Variants in PHKB observed in about 807,000 individuals in gnomAD.
PHKB encodes the protein phosphorylase b kinase regulatory subunit beta.
PHKB carries 122 observed loss-of-function variants against 152.1 expected under a neutral mutation model. The ratio of observed to expected loss-of-function variants is 0.80; its 90% CI spans 0.69 to 0.93. The LOEUF (loss-of-function observed/expected upper bound fraction) is 0.93. Ranked by LOEUF, PHKB falls within the 40% of genes least tolerant of loss-of-function variation. PHKB has a pLI of 0.00. For synonymous variants in PHKB, 436 were observed against 464.9 expected, an observed-to-expected ratio of 0.94 and a Z score of 0.80; for missense variants, 1,304 against 1,328.4, an observed-to-expected ratio of 0.98 and a Z score of 0.29.
Position 47,699,287 on chromosome 16 carries a change from A to G in PHKB, c.3203A>G (p.Tyr1068Cys), listed in dbSNP as rs374634942. The change falls in exon 31 of 31, where the codon TAT becomes TGT. Residue 1068 changes from tyrosine to cysteine, a missense_variant. By Grantham distance (194) the Tyr-to-Cys change is radical. Transcript: ENST00000323584. Reference sequence around the variant, plus strand: ...CTGGGAAAAAGAGGAACATGCAGCTATTTGACAAAGGCGGTGATGAATCTG... The same window carrying G: ...CTGGGAAAAAGAGGAACATGCAGCTGTTTGACAAAGGCGGTGATGAATCTG... ...PPLGKRGTCS[Y>C]LTKAVMNLLL... The G allele has an allele frequency of 5.0e-6, 8 of 1,613,996 alleles. No homozygotes were observed. Among genetic ancestry groups the G allele is most frequent in the Admixed American group, 3.3e-5 (2 of 60,004 alleles).
intron 7 of PHKB, among the ~76,000 whole-genome samples, chr16:47,560,638 A>T (rs1010750938): frequency 1.3e-5 from 2 of 152,214 alleles, no homozygotes; most frequent in Non-Finnish European, 2.9e-5. Context: ...ATTTTCATGA[A>T]TGTGCAAAGA....
At chr16:47,588,319 T>C (rs1018604827) in intron 9 of PHKB, among the ~76,000 whole-genome samples, 1 of 150,078 alleles carries the variant, frequency 6.7e-6, no homozygotes, top group Non-Finnish European at 1.5e-5. Context: ...AAAAAAAAGC[T>C]CCCCAAATAA....
chr16:47,523,011 A>G (rs1252394405), intron 6 of PHKB, among the ~76,000 whole-genome samples: 3 of 77,686 alleles, frequency 3.9e-5, no homozygotes, highest in Non-Finnish European at 8.2e-5. Flanking sequence ...GATTTTGTCT[A>G]TTTGGTGTGA....
chr16:47,530,316 A>C (rs796979302), intron 6 of PHKB, among the ~76,000 whole-genome samples: 14 of 152,068 alleles, frequency 9.2e-5, no homozygotes, highest in African/African-American at 3.4e-4. Context: ...TTGTATTTTT[A>C]GTAGAGATGT....
chr16:47,494,034 G>A lies in PHKB; in HGVS notation c.77-3365G>A, dbSNP rs1970193527. Among the ~76,000 whole-genome samples the A allele has an allele frequency of 1.3e-5, 2 of 152,186 alleles. 1 individual carries two copies. Among genetic ancestry groups the A allele is most frequent in the South Asian group, 4.1e-4 (2 of 4,830 alleles). ...GAATAAAGTCTTAATCCTTAATCAA[G>A]CCAGGAGGATTCAGATCCCAACAGG... On this transcript the variant is annotated intron_variant, in intron 1 of 30. Transcript: ENST00000323584.
intron 7 of PHKB, among the ~76,000 whole-genome samples, chr16:47,560,859 G>C (rs1332598140): frequency 2.0e-5 from 3 of 152,094 alleles, no homozygotes; most frequent in African/African-American, 7.2e-5. Flanking sequence ...CAATTGAAAA[G>C]TAATAATATG....
chr16:47,665,026 A>AT, intron 25 of PHKB, 51 bp downstream of exon 25: 1 of 1,160,650 alleles, frequency 8.6e-7, no homozygotes. Context: ...GTGTGGGCTT[A>AT]TTTGCACTCT....
At chr16:47,619,469 C>T (rs903960579) in intron 14 of PHKB, 1 of 152,144 alleles carries the variant, frequency 6.6e-6, no homozygotes, top group South Asian at 2.1e-4. Context: ...TTAATTATTT[C>T]CTTCTTTCTT....
In PHKB at chr16:47,506,458, T is replaced by A. The variant is rs80272983; in HGVS notation, c.405+3368T>A. ...TGAAATAAAGTAGTATGTCACAGAT[T>A]GACATACTGGAATTAAACTAGTATG... On this transcript the variant is annotated intron_variant, in intron 4 of 30. Transcript: ENST00000323584. 1.5e-3 allele frequency among the ~76,000 whole-genome samples: 230 copies of A among 152,338 alleles called. 4 individuals carry two copies. The East Asian group carries it at 0.041, about 27-fold the overall frequency.
intron 13 of PHKB, among the ~76,000 whole-genome samples, chr16:47,600,187 T>G (rs1443696280): frequency 6.6e-6 from 1 of 152,194 alleles, no homozygotes; most frequent in East Asian, 1.9e-4. Flanking sequence ...CTCTGTGACT[T>G]CTATTCAATT....
At chr16:47,666,661 G>A (rs1277531237) in intron 25 of PHKB, among the ~76,000 whole-genome samples, 2 of 152,360 alleles carry the variant, frequency 1.3e-5, no homozygotes, top group Non-Finnish European at 1.5e-5. Flanking sequence ...TCACCTCATG[G>A]TAGGCTGTGA....
intron 14 of PHKB, among the ~76,000 whole-genome samples, chr16:47,630,665 G>A (rs373475243): frequency 7.9e-5 from 12 of 152,160 alleles, no homozygotes; most frequent in African/African-American, 2.7e-4. Flanking sequence ...ATGTCAACTT[G>A]TCTGGACCAC....
In PHKB at chr16:47,516,252, T is replaced by C. The variant is rs1970595585; in HGVS notation, c.594+651T>C. 2.0e-5 allele frequency among the ~76,000 whole-genome samples: 3 copies of C among 152,166 alleles called. No individual in the cohort carries two copies. The South Asian group carries it at 6.2e-4, about 32-fold the overall frequency. ...CTTTCTTTTGTTTTACATCGTTGCATTTCATAACTCACCCTTTGAAAAGTA... is the reference window on the plus strand; with the variant it reads ...CTTTCTTTTGTTTTACATCGTTGCACTTCATAACTCACCCTTTGAAAAGTA... On this transcript the variant is annotated intron_variant, in intron 6 of 30. Transcript: ENST00000323584.
chr16:47,547,735 A>G (rs1971199036), intron 7 of PHKB, 187 bp downstream of exon 7: 1 of 555,012 alleles, frequency 1.8e-6, no homozygotes, highest in Admixed American at 3.1e-5. Context: ...GTACCCATAA[A>G]CAGATGCAAG....
intron 26 of PHKB, among the ~76,000 whole-genome samples, chr16:47,681,699 A>G (rs1349226652): frequency 6.6e-6 from 1 of 152,120 alleles, no homozygotes; most frequent in East Asian, 1.9e-4. Flanking sequence ...AATACAGCAC[A>G]CTGATGGGTC....
intron 9 of PHKB, 69 bp downstream of exon 9, chr16:47,587,832 A>C: frequency 8.6e-7 from 1 of 1,161,322 alleles, no homozygotes; most frequent in Non-Finnish European, 1.3e-6. Flanking sequence ...TTATATCTTA[A>C]TTTCCAGTAA....
intron 6 of PHKB, among the ~76,000 whole-genome samples, chr16:47,543,644 T>C (rs989543816): frequency 2.0e-5 from 3 of 152,162 alleles, no homozygotes; most frequent in African/African-American, 7.2e-5. Flanking sequence ...CTTTTTTTGG[T>C]TGGTAGGCTA....
rs1567346750 is a variant in PHKB, at chr16:47,663,699, G to A, written c.2301G>A (p.Glu767=). 6.2e-7 allele frequency: 1 copy of A among 1,612,810 alleles called. No homozygotes were observed. The change falls in exon 24 of 31, where the codon GAG becomes GAA. Residue 767 remains glutamate (E), a synonymous_variant. Transcript: ENST00000323584. The part of the protein sequence containing the change: ...TKEGTVSDHI[E]RVYRRAGSQK... ...TAGGTACCGTTTCTGATCACATTGA[G>A]AGAGTCTATAGAAGAGCTGGCAGCC... is the stretch of plus-strand genomic sequence containing the variant.
In PHKB at chr16:47,698,522, A is replaced by G. The variant is rs1438592473; in HGVS notation, c.3078A>G (p.Arg1026=). 6.2e-7 allele frequency: 1 copy of G among 1,610,844 alleles called. No individual in the cohort carries two copies. Among genetic ancestry groups the G allele is most frequent in the East Asian group, 2.2e-5 (1 of 44,722 alleles). ...TTCAAGACAAAGTAGATCTAGACAG[A>G]CTGGTCAAAGAAGCATTTAATGAAT... ...LEFQDKVDLD[R]LVKEAFNEFQ... Residue 1026 remains arginine, a synonymous_variant, in exon 30 of 31, where the codon AGA becomes AGG. Transcript: ENST00000323584.
Sources: gnomAD v4.1 joint callset for allele counts (sites outside exome capture counted in the v4.1 genomes callset) on GRCh38, gnomAD v4.1.1 for gene constraint, MANE v1.5 for transcripts, NCBI Gene and HGNC (gene_info 2026-07-23, HGNC 2026-07-21) for gene names.